The following EIF3I variants were observed in gnomAD, a reference collection of about 807,000 sequenced individuals.
The protein encoded by EIF3I is eukaryotic translation initiation factor 3 subunit I.
EIF3I carries 20 observed loss-of-function variants against 43.3 expected under a neutral mutation model. The ratio of observed to expected loss-of-function variants is 0.46; its 90% CI spans 0.32 to 0.67. EIF3I has a LOEUF of 0.67. Ranked by LOEUF, EIF3I falls within the 30% of genes least tolerant of loss-of-function variation. The pLI is 0.03. For synonymous variants in EIF3I, 167 were observed against 151.7 expected, an observed-to-expected ratio of 1.10 and a Z score of -0.74; for missense variants, 279 against 421.4, an observed-to-expected ratio of 0.66 and a Z score of 2.96.
At chr1:32,227,006 T>A (rs1377586219) in intron 6 of EIF3I, among the ~76,000 whole-genome samples, 1 of 151,572 alleles carries the variant, frequency 6.6e-6, no homozygotes, top group Non-Finnish European at 1.5e-5. Context: ...GTAATTTTTG[T>A]ATTTTTAGTA....
At chr1:32,228,768 G>T (rs760986789) in exon 8 of EIF3I, 2 of 1,614,114 alleles carry the variant, frequency 1.2e-6, no homozygotes, top group Non-Finnish European at 8.5e-7. Flanking sequence ...AGACTTTCCG[G>T]ACAGAACGTC....
downstream of EIF3I, among the ~76,000 whole-genome samples, chr1:32,232,942 C>A (rs527671990): frequency 2.6e-4 from 40 of 152,280 alleles, 1 homozygote; most frequent in South Asian, 8.1e-3. Context: ...TGATAGGCAG[C>A]ATATGCAACA....
At chr1:32,230,316 C>G (rs552426336) in exon 10 of EIF3I, among the ~76,000 whole-genome samples, 2 of 152,192 alleles carry the variant, frequency 1.3e-5, no homozygotes, top group South Asian at 4.1e-4. Flanking sequence ...TCTCTGCTCA[C>G]CGCAACCTCC....
chr1:32,230,285 G>C (rs951484988), exon 10 of EIF3I, among the ~76,000 whole-genome samples: 4 of 151,934 alleles, frequency 2.6e-5, no homozygotes, highest in African/African-American at 9.7e-5. Context: ...CTGTTGCCCA[G>C]GCTGGAGTGC....
At chr1:32,230,792 C>T (rs1639223273) in intron 10 of EIF3I, 135 bp from the exon 10 acceptor site, 4 of 669,078 alleles carry the variant, frequency 6.0e-6, no homozygotes, top group Non-Finnish European at 9.9e-6. Context: ...CCACTGTACT[C>T]CACCCTGGGT....
exon 6 of EIF3I, chr1:32,226,415 C>T (rs1389850500): frequency 1.2e-6 from 2 of 1,606,060 alleles, no homozygotes; most frequent in Non-Finnish European, 1.7e-6. Context: ...AACAATGAGC[C>T]CTACATGAAG....
exon 1 of EIF3I, chr1:32,222,427 C>T (rs1462819838): frequency 3.1e-6 from 5 of 1,594,746 alleles, no homozygotes; most frequent in Middle Eastern, 1.7e-4. Context: ...CGGCCTTCCT[C>T]GCGTCACAGC....
At chr1:32,229,547 C>CTT (rs1199129615) in intron 9 of EIF3I, among the ~76,000 whole-genome samples, 58 of 104,498 alleles carry the variant, frequency 5.6e-4, no homozygotes, top group African/African-American at 8.4e-4. Context: ...CGTGCCCAGC[C>CTT]TTTTTTTTTT....
intron 3 of EIF3I, 96 bp downstream of exon 3, chr1:32,224,217 C>T: frequency 7.8e-7 from 1 of 1,277,906 alleles, no homozygotes; most frequent in South Asian, 1.2e-5. Flanking sequence ...TGTTGAGGGC[C>T]TAGAGAACGA....
At chr1:32,229,014 C>A in intron 8 of EIF3I, 121 bp from the exon 9 acceptor site, 1 of 1,186,668 alleles carries the variant, frequency 8.4e-7, no homozygotes, top group Non-Finnish European at 1.2e-6. Flanking sequence ...TCTGATCATC[C>A]CCTACCTTTG....
At chr1:32,231,204 G>T in exon 12 of EIF3I, 1 of 1,612,888 alleles carries the variant, frequency 6.2e-7, no homozygotes. Flanking sequence ...TAAGAAGCTG[G>T]ATCTCCTGCC....
chr1:32,224,500 T>C, intron 4 of EIF3I, 25 bp downstream of exon 4: 1 of 1,595,000 alleles, frequency 6.3e-7, no homozygotes, highest in Non-Finnish European at 8.6e-7. Context: ...TTCACCTTTT[T>C]AGCAAATATT....
chr1:32,231,600 A>C (rs1423830801), downstream of EIF3I: 4 of 182,630 alleles, frequency 2.2e-5, no homozygotes, highest in Non-Finnish European at 4.6e-5. Context: ...GCTTCTGGTC[A>C]GATATTTTGT....
In EIF3I at chr1:32,224,025, CTT is replaced by C; in HGVS notation, c.97-6_97-5del. On this transcript the variant is annotated splice_polypyrimidine_tract_variant and splice_region_variant and intron_variant, in intron 2 of 11. Transcript: ENST00000676679. The stretch of plus-strand genomic sequence containing the variant: ...GGATGTGTACTATCCTGTGGTTTGA[CTT>C]TTCCAGATCGTCAATGTATGGTACT... 6.2e-7 allele frequency: 1 copy of C among 1,614,090 alleles called. No individual in the cohort carries two copies.
At chr1:32,235,774 A>G (rs1569868885), downstream of EIF3I, among the ~76,000 whole-genome samples, 1 of 152,144 alleles carries the variant, frequency 6.6e-6, no homozygotes, top group African/African-American at 2.4e-5. Context: ...AACACCCTTG[A>G]TGTACACCAG....
At position 32,224,403 on chromosome 1, in the gene EIF3I, T is replaced by G. The variant is rs769981503; in HGVS notation, c.185-7T>G. 3.2e-5 allele frequency: 52 copies of G among 1,613,118 alleles called. No homozygotes were observed. The highest frequency in any genetic ancestry group is 4.1e-5 in the Non-Finnish European group (48 of 1,179,400). ...GAACTTCGTCATATTTCTTAACAACTCTTCAGGGGACACCAAGCATGTCCT... is the reference window on the plus strand; with the variant it reads ...GAACTTCGTCATATTTCTTAACAACGCTTCAGGGGACACCAAGCATGTCCT... On this transcript the variant is annotated splice_polypyrimidine_tract_variant and splice_region_variant and intron_variant, in intron 3 of 11. Coordinates refer to ENST00000676679, the Ensembl canonical transcript of EIF3I.
chr1:32,235,484 C>T (rs1490781144), downstream of EIF3I, among the ~76,000 whole-genome samples: 3 of 152,198 alleles, frequency 2.0e-5, no homozygotes, highest in Non-Finnish European at 4.4e-5. Context: ...GCGACCGCCA[C>T]CACACCCAGC....
chr1:32,230,277 G>A (rs775664828), exon 10 of EIF3I, among the ~76,000 whole-genome samples: 4 of 151,948 alleles, frequency 2.6e-5, no homozygotes, highest in Non-Finnish European at 5.9e-5. Flanking sequence ...GTCTCACTCT[G>A]TTGCCCAGGC....
At chr1:32,230,639 C>T (rs1639220995) in intron 10 of EIF3I, among the ~76,000 whole-genome samples, 1 of 152,062 alleles carries the variant, frequency 6.6e-6, no homozygotes, top group Non-Finnish European at 1.5e-5. Flanking sequence ...AGTTCGTAAC[C>T]AGCCTGGCCA....
Sources: allele counts gnomAD v4.1 joint callset (sites outside exome capture counted in the v4.1 genomes callset), GRCh38; gene constraint gnomAD v4.1.1; transcripts MANE v1.5; gene names NCBI Gene and HGNC (gene_info 2026-07-23, HGNC 2026-07-21).